WLS: variants seen among roughly 807,000 people sequenced by gnomAD.
WLS encodes protein wntless homolog.
WLS carries 23 observed loss-of-function variants against 62.8 expected under a neutral mutation model. The observed-to-expected ratio is 0.37, with a 90% CI of 0.26 to 0.52. The LOEUF is 0.52. Among genes scored for constraint, WLS ranks in the 20% least tolerant of loss-of-function variants. WLS has a pLI of 0.92. For synonymous variants in WLS, 246 were observed against 244.1 expected (o/e 1.01, Z -0.07); for missense variants, 615 against 697.3 (o/e 0.88, Z 1.33).
chr1:68,155,091 T>C lies in WLS; in HGVS notation c.666+8A>G. Reference sequence around the variant, plus strand: ...ATACACATGTCAAGATCAATTACATTCACTTACCACCAACCGGATATCCTT... The same window carrying C: ...ATACACATGTCAAGATCAATTACATCCACTTACCACCAACCGGATATCCTT... On this transcript the variant is annotated splice_region_variant and intron_variant, in intron 4 of 11. Transcript: ENST00000262348. 6.2e-7 allele frequency: 1 copy of C among 1,612,660 alleles called. No homozygotes were observed. The highest frequency in any genetic ancestry group is 8.5e-7 in the Non-Finnish European group (1 of 1,179,296).
chr1:68,160,580 T>C (rs938110328), intron 2 of WLS, among the ~76,000 whole-genome samples: 10 of 152,178 alleles, frequency 6.6e-5, no homozygotes, highest in African/African-American at 2.4e-4. Context: ...ATTTCAGAAC[T>C]CAACAAATTT....
intron 1 of WLS, among the ~76,000 whole-genome samples, chr1:68,213,447 A>G (rs1649600952): frequency 7.1e-6 from 1 of 141,800 alleles, no homozygotes; most frequent in South Asian, 2.3e-4. Context: ...GCGAAACTTC[A>G]TTCCAAAAAA....
chr1:68,121,915 C>T (rs541600444), downstream of WLS, among the ~76,000 whole-genome samples: 2 of 152,216 alleles, frequency 1.3e-5, no homozygotes, highest in Non-Finnish European at 2.9e-5. Flanking sequence ...GCCATTATCT[C>T]TTCCAAGGAC....
chr1:68,117,900 C>T (rs1266340430), intron 11 of WLS, among the ~76,000 whole-genome samples: 6 of 151,900 alleles, frequency 3.9e-5, no homozygotes, highest in Non-Finnish European at 8.8e-5. Context: ...AAAAATCATG[C>T]TAGGATAACT....
chr1:68,218,189 G>A (rs1226524643), intron 1 of WLS, among the ~76,000 whole-genome samples: 3 of 152,146 alleles, frequency 2.0e-5, no homozygotes, highest in Non-Finnish European at 4.4e-5. Context: ...AGTCACATAA[G>A]GGGAAAGAAT....
Position 68,158,129 on chromosome 1 carries a change from T to TTAAGG in WLS, c.504+993_504+994insCCTTA, listed in dbSNP as rs112707668. 3.3e-4 allele frequency among the ~76,000 whole-genome samples: 50 copies of TTAAGG among 152,296 alleles called. 1 individual carries two copies. The highest frequency in any genetic ancestry group is 1.2e-3 in the African/African-American group (50 of 41,562). ...CAGTGGCTCTCAAACTTCATAGAGT[T>TTAAGG]TAATAAACTGAAGGCCTGTTAAAAC... is the stretch of plus-strand genomic sequence containing the variant. On this transcript the variant is annotated intron_variant, in intron 3 of 11. Transcript: ENST00000262348.
chr1:68,215,012 T>C (rs1021747581), intron 1 of WLS, among the ~76,000 whole-genome samples: 22 of 152,184 alleles, frequency 1.4e-4, no homozygotes, highest in Non-Finnish European at 2.8e-4. Flanking sequence ...TTCACTCTAA[T>C]TAGACTAACT....
chr1:68,112,591 C>T (rs1646242280), intron 11 of WLS, among the ~76,000 whole-genome samples: 1 of 152,228 alleles, frequency 6.6e-6, no homozygotes, highest in Non-Finnish European at 1.5e-5. Context: ...TCATACTCTT[C>T]CCTTACCCTC....
chr1:68,191,696 T>A (rs1648314421), intron 2 of WLS, among the ~76,000 whole-genome samples: 1 of 152,008 alleles, frequency 6.6e-6, no homozygotes, highest in South Asian at 2.1e-4. Context: ...AGTGAGTGAG[T>A]GAACAAGTGA....
At chr1:68,204,158 G>A (rs1229401064) in intron 1 of WLS, among the ~76,000 whole-genome samples, 2 of 152,054 alleles carry the variant, frequency 1.3e-5, no homozygotes, top group African/African-American at 2.4e-5. Flanking sequence ...GTCTTTATCT[G>A]GAATTTCACA....
intron 2 of WLS, among the ~76,000 whole-genome samples, chr1:68,170,335 T>G (rs1647133391): frequency 6.6e-6 from 1 of 151,782 alleles, no homozygotes; most frequent in Non-Finnish European, 1.5e-5. Context: ...CTGGCTAATT[T>G]TTTTGTATTT....
intron 11 of WLS, among the ~76,000 whole-genome samples, chr1:68,134,809 G>A (rs1646581906): frequency 6.6e-6 from 1 of 152,230 alleles, no homozygotes; most frequent in Non-Finnish European, 1.5e-5. Flanking sequence ...GAAGAGTGAA[G>A]TGCTTTTCTC....
chr1:68,146,278 C>G (rs1646751708), intron 8 of WLS, among the ~76,000 whole-genome samples: 1 of 152,174 alleles, frequency 6.6e-6, no homozygotes, highest in Admixed American at 6.5e-5. Context: ...AATGAAGAAT[C>G]TAGGCCCTAC....
chr1:68,159,677 A>G (rs547406149), intron 2 of WLS, among the ~76,000 whole-genome samples: 1 of 152,268 alleles, frequency 6.6e-6, no homozygotes, highest in South Asian at 2.1e-4. Context: ...CTCTCTGATA[A>G]ACATGACCAA....
Position 68,138,451 on chromosome 1 carries a change from G to A in WLS, c.1363-518C>T, listed in dbSNP as rs41287852. 0.013 allele frequency: 1,913 copies of A among 152,464 alleles called. 26 individuals are homozygous for A. The highest frequency in any genetic ancestry group is 0.021 in the Non-Finnish European group (1,432 of 68,186). 9.4% of individuals were successfully genotyped at this position (152,464 alleles called of 1,614,324 possible). On this transcript the variant is annotated intron_variant, in intron 10 of 11. Coordinates refer to ENST00000262348, the MANE Select transcript of WLS (RefSeq NM_024911.7). ...TCCAGACTTCAGAACTTCAGTGTCC[G>A]TAAGTGTAACATAAAAGCTTGCAGG...
chr1:68,229,647 T>A lies in WLS; in HGVS notation c.106+2547A>T, dbSNP rs569236114. ...GCTTAGGGAAGTTTGGTGGGAAAAT[T>A]TTTCACTTACATTTTGTTGATATTT... On this transcript the variant is annotated intron_variant, in intron 1 of 11. Transcript: ENST00000262348. Among the ~76,000 whole-genome samples, 4 of 152,306 alleles carry A rather than the reference T, an allele frequency of 2.6e-5. No individual in the cohort carries two copies. The East Asian group carries it at 7.7e-4, about 29-fold the overall frequency.
chr1:68,135,876 G>A (rs1028758892), intron 11 of WLS, among the ~76,000 whole-genome samples: 22 of 152,288 alleles, frequency 1.4e-4, no homozygotes, highest in African/African-American at 3.1e-4. Flanking sequence ...TAAAAACACC[G>A]AGTGGTGTTT....
At chr1:68,159,392 C>T in intron 2 of WLS, 145 bp from the exon 3 acceptor site, 2 of 1,121,256 alleles carry the variant, frequency 1.8e-6, no homozygotes. Context: ...AACCTGAAGA[C>T]TTAGAAGTCA....
At chr1:68,193,416 A>C (rs962771347) in intron 2 of WLS, among the ~76,000 whole-genome samples, 8 of 112,658 alleles carry the variant, frequency 7.1e-5, no homozygotes, top group African/African-American at 3.0e-4. Flanking sequence ...AAAAAAAAAA[A>C]AAAAAAAAAA....
Sources: allele counts gnomAD v4.1 joint callset (sites outside exome capture counted in the v4.1 genomes callset), GRCh38; gene constraint gnomAD v4.1.1; transcripts MANE v1.5; gene names NCBI Gene and HGNC (gene_info 2026-07-23, HGNC 2026-07-21).